The following MPPED2 variants were observed in gnomAD, a reference collection of about 807,000 sequenced individuals.
MPPED2 encodes metallophosphoesterase domain containing 2, also known as metallophosphoesterase MPPED2.
In MPPED2, 5 loss-of-function variants were observed where a neutral mutation model predicts 33.0. The observed-to-expected ratio is 0.15, with a 90% CI of 0.08 to 0.32. The LOEUF (loss-of-function observed/expected upper bound fraction) is 0.32. MPPED2 is among the 10% of genes least tolerant of loss of function. The pLI is 1.00. For synonymous variants in MPPED2, 136 were observed against 141.9 expected (o/e 0.96, Z 0.29); for missense variants, 275 against 372.1 (o/e 0.74, Z 2.15).
chr11:30,428,783 T>C (rs1163237132), intron 4 of MPPED2, among the ~76,000 whole-genome samples: 1 of 152,194 alleles, frequency 6.6e-6, no homozygotes, highest in Non-Finnish European at 1.5e-5. Context: ...TGATAATATA[T>C]GTAATACATT....
intron 3 of MPPED2, among the ~76,000 whole-genome samples, chr11:30,501,080 A>C (rs1277292751): frequency 2.6e-5 from 4 of 152,228 alleles, no homozygotes; most frequent in Non-Finnish European, 5.9e-5. Flanking sequence ...CTGCTTCTAA[A>C]GTATGGTGAG....
intron 4 of MPPED2, among the ~76,000 whole-genome samples, chr11:30,494,757 A>AAAAAAAAAAAAAAAAAAAAAAAAAAAG (rs768924251): frequency 2.5e-5 from 3 of 120,876 alleles, no homozygotes; most frequent in Non-Finnish European, 4.7e-5. Flanking sequence ...AAAAAAAAAA[A>AAAAAAAAAAAAAAAAAAAAAAAAAAAG]AAAGAAAGAA....
At chr11:30,548,218 C>CTTTTT (rs5790821) in intron 2 of MPPED2, among the ~76,000 whole-genome samples, 1 of 150,016 alleles carries the variant, frequency 6.7e-6, no homozygotes. Flanking sequence ...AAGTAACTAT[C>CTTTTT]TTTTTTTTTT....
intron 1 of MPPED2, chr11:30,584,880 A>C (rs1957387728): frequency 1.3e-5 from 2 of 151,806 alleles, no homozygotes; most frequent in South Asian, 4.2e-4. Flanking sequence ...ATCTTTTTTC[A>C]CTTAAACTTT....
chr11:30,543,792 CTTTTTTTTTTTTTT>C (rs35206591), intron 2 of MPPED2, among the ~76,000 whole-genome samples: 1,702 of 106,638 alleles, frequency 0.016, 36 homozygotes, highest in African/African-American at 0.052. Context: ...TGGCGTTGTT[CTTTTTTTTTTTTTT>C]TTTTTTTTTT....
intron 4 of MPPED2, among the ~76,000 whole-genome samples, chr11:30,423,614 A>AC (rs1948709171): frequency 6.6e-6 from 1 of 152,158 alleles, no homozygotes; most frequent in African/African-American, 2.4e-5. Flanking sequence ...AGTCAAACAG[A>AC]CCCAAGTTCA....
rs562115366 is a variant in MPPED2, at chr11:30,522,427, G to A, written c.310+13567C>T. ...ACACACACACACACACACACACCTA[G>A]AAAGAGAATAATAAAGCAAATGTAG... On this transcript the variant is annotated intron_variant, in intron 3 of 6. Coordinates refer to ENST00000358117, the MANE Select transcript of MPPED2 (RefSeq NM_001584.3). Among the ~76,000 whole-genome samples the A allele has an allele frequency of 6.4e-3, 944 of 148,216 alleles. 7 individuals are homozygous for A. The highest frequency in any genetic ancestry group is 0.014 in the Middle Eastern group (4 of 288).
intron 3 of MPPED2, among the ~76,000 whole-genome samples, chr11:30,533,195 T>C (rs1270903165): frequency 6.6e-6 from 1 of 152,184 alleles, no homozygotes; most frequent in Non-Finnish European, 1.5e-5. Flanking sequence ...GGGTGGATAC[T>C]CAGCCACTAT....
chr11:30,388,830 C>T (rs1947733862), exon 7 of MPPED2: 1 of 1,486,700 alleles, frequency 6.7e-7, no homozygotes, highest in African/African-American at 1.4e-5. Flanking sequence ...GATTGTAGCT[C>T]ACACAATGCT....
intron 4 of MPPED2, among the ~76,000 whole-genome samples, chr11:30,419,149 A>G (rs963784157): frequency 2.6e-5 from 4 of 152,178 alleles, no homozygotes; most frequent in Admixed American, 2.6e-4. Context: ...GTGTCAAGGT[A>G]CTATTCTAAG....
intron 4 of MPPED2, among the ~76,000 whole-genome samples, chr11:30,464,284 CA>C (rs1281965175): frequency 6.6e-6 from 1 of 151,608 alleles, no homozygotes; most frequent in African/African-American, 2.4e-5. Flanking sequence ...CACACACACA[CA>C]CACACACACA....
chr11:30,480,752 C>T (rs142651851), intron 4 of MPPED2, among the ~76,000 whole-genome samples: 118 of 152,212 alleles, frequency 7.8e-4, no homozygotes, highest in African/African-American at 2.6e-3. Context: ...CCTAGAGTGT[C>T]GCTATCACTA....
intron 4 of MPPED2, among the ~76,000 whole-genome samples, chr11:30,476,184 C>G (rs867485288): frequency 6.4e-4 from 97 of 151,818 alleles, no homozygotes; most frequent in African/African-American, 2.2e-3. Context: ...AAATATGTTC[C>G]CCTAGACTAT....
chr11:30,389,457 C>A (rs769363350), intron 6 of MPPED2, among the ~76,000 whole-genome samples: 2 of 152,210 alleles, frequency 1.3e-5, no homozygotes, highest in Admixed American at 1.3e-4. Context: ...GGTCCTCCTG[C>A]TAAGCTGCTA....
At chr11:30,476,164 T>G (rs1218780651) in intron 4 of MPPED2, among the ~76,000 whole-genome samples, 1 of 152,048 alleles carries the variant, frequency 6.6e-6, no homozygotes, top group South Asian at 2.1e-4. Context: ...TATCCAGATT[T>G]ATAGGTTGAA....
chr11:30,474,560 C>T (rs1951095483), intron 4 of MPPED2, among the ~76,000 whole-genome samples: 1 of 152,128 alleles, frequency 6.6e-6, no homozygotes, highest in African/African-American at 2.4e-5. Context: ...TTCCATCCTC[C>T]TTCCCACACT....
At chr11:30,449,602 C>T (rs1374222667) in intron 4 of MPPED2, among the ~76,000 whole-genome samples, 1 of 151,492 alleles carries the variant, frequency 6.6e-6, no homozygotes, top group Admixed American at 6.6e-5. Flanking sequence ...ATGATCATGC[C>T]ACTGCACTCC....
At chr11:30,502,517 A>C (rs1952615866) in intron 3 of MPPED2, among the ~76,000 whole-genome samples, 1 of 152,188 alleles carries the variant, frequency 6.6e-6, no homozygotes, top group Admixed American at 6.5e-5. Flanking sequence ...CTGTTGGTAC[A>C]ATTTCTTATC....
chr11:30,579,058 GA>G, intron 2 of MPPED2, among the ~76,000 whole-genome samples: 1 of 145,796 alleles, frequency 6.9e-6, no homozygotes, highest in African/African-American at 2.5e-5. Flanking sequence ...CTGCTTTGCA[GA>G]AATCTCATCA....
Sources: gnomAD v4.1 joint callset for allele counts (sites outside exome capture counted in the v4.1 genomes callset) on GRCh38, gnomAD v4.1.1 for gene constraint, MANE v1.5 for transcripts, NCBI Gene and HGNC (gene_info 2026-07-23, HGNC 2026-07-21) for gene names.